Variants in RBPJ observed in about 807,000 individuals in gnomAD.
The protein encoded by RBPJ is recombining binding protein suppressor of hairless.
RBPJ carries 9 observed loss-of-function variants against 67.8 expected under a neutral mutation model. The ratio of observed to expected loss-of-function variants is 0.13; its 90% CI spans 0.08 to 0.23. The LOEUF (loss-of-function observed/expected upper bound fraction) is 0.23. Among genes scored for constraint, RBPJ ranks in the 10% least tolerant of loss-of-function variants. The pLI, the probability that RBPJ is intolerant of heterozygous loss-of-function variation, is 1.00. For synonymous variants in RBPJ, 198 were observed against 203.3 expected (o/e 0.97, Z 0.22); for missense variants, 305 against 595.6 (o/e 0.51, Z 5.08).
chr4:26,402,020 C>T (rs537436937), intron 2 of RBPJ, among the ~76,000 whole-genome samples: 6 of 151,850 alleles, frequency 4.0e-5, no homozygotes, highest in Admixed American at 3.9e-4. Context: ...TCCCGAGTAG[C>T]TGGGATTTCA....
upstream of RBPJ, among the ~76,000 whole-genome samples, chr4:26,316,348 TATTCATATATAC>T (rs368350038): frequency 3.4e-4 from 50 of 146,884 alleles, no homozygotes; most frequent in East Asian, 1.2e-3. Flanking sequence ...CATATATACA[TATTCATATATAC>T]ATTCATATAT....
intron 2 of RBPJ, among the ~76,000 whole-genome samples, chr4:26,401,702 C>A (rs1476344249): frequency 6.6e-6 from 1 of 152,124 alleles, no homozygotes; most frequent in Non-Finnish European, 1.5e-5. Context: ...AATGCAGTTA[C>A]TGCTAAATGA....
At chr4:26,325,805 T>C (rs1723569631) in intron 1 of RBPJ, among the ~76,000 whole-genome samples, 1 of 152,208 alleles carries the variant, frequency 6.6e-6, no homozygotes, top group Non-Finnish European at 1.5e-5. Context: ...TGCGTTCTTG[T>C]GTATGAAAAG....
intron 1 of RBPJ, among the ~76,000 whole-genome samples, chr4:26,188,094 A>G (rs1330651274): frequency 6.6e-6 from 1 of 152,152 alleles, no homozygotes; most frequent in African/African-American, 2.4e-5. Context: ...CTGTAATCCC[A>G]GCTACTTGGG....
chr4:26,306,545 G>A (rs1435861746), intron 1 of RBPJ, among the ~76,000 whole-genome samples: 2 of 151,874 alleles, frequency 1.3e-5, no homozygotes, highest in Admixed American at 6.6e-5. Flanking sequence ...CACCTCCCAG[G>A]TTCATGCCAT....
chr4:26,122,560 C>T, the RBPJ span, among the ~76,000 whole-genome samples: 40 of 152,196 alleles, frequency 2.6e-4, 1 homozygote, highest in African/African-American at 5.5e-4. Context: ...TTAGGAGGAA[C>T]GCTTAAACAT....
At chr4:26,223,911 G>A (rs767785008) in intron 1 of RBPJ, among the ~76,000 whole-genome samples, 9 of 152,070 alleles carry the variant, frequency 5.9e-5, no homozygotes, top group Non-Finnish European at 1.0e-4. Context: ...CTATAATTAC[G>A]GAACTCTATG....
chr4:26,392,539 T>A (rs1464991922), intron 2 of RBPJ, among the ~76,000 whole-genome samples: 1 of 152,182 alleles, frequency 6.6e-6, no homozygotes, highest in Non-Finnish European at 1.5e-5. Context: ...ATAATTATAT[T>A]CAATTTTCTA....
intron 1 of RBPJ, among the ~76,000 whole-genome samples, chr4:26,205,331 A>T (rs1718132581): frequency 1.3e-5 from 2 of 152,176 alleles, no homozygotes; most frequent in Admixed American, 6.6e-5. Context: ...GAAGAACCCA[A>T]CACAGACCAT....
upstream of RBPJ, among the ~76,000 whole-genome samples, chr4:26,315,589 C>T (rs554188548): frequency 1.1e-4 from 16 of 152,176 alleles, no homozygotes; most frequent in South Asian, 8.3e-4. Context: ...CAGCTGTGCA[C>T]GTATTCTCTT....
chr4:26,130,011 A>G, the RBPJ span, among the ~76,000 whole-genome samples: 1 of 151,920 alleles, frequency 6.6e-6, no homozygotes, highest in African/African-American at 2.4e-5. Context: ...ACAGGCGTGC[A>G]CCACCACGCC....
In RBPJ at chr4:26,249,486, C is replaced by T. The variant is rs374903088; in HGVS notation, c.-167+85872C>T. 9.9e-5 allele frequency among the ~76,000 whole-genome samples: 15 copies of T among 152,102 alleles called. No individual in the cohort carries two copies. In the East Asian group the frequency reaches 2.9e-3, roughly 30 times the overall value. On this transcript the variant is annotated intron_variant, in intron 1 of 4. Transcript: ENST00000512351. ...ACCAGCCTGGCCAACATGGTGAAAC[C>T]CTGTCTCTACTAAAAATGCAAAAAA...
intron 8 of RBPJ, 121 bp from the exon 9 acceptor site, chr4:26,429,777 T>G (rs565790648): frequency 2.3e-4 from 183 of 794,126 alleles, no homozygotes; most frequent in Middle Eastern, 3.8e-4. Flanking sequence ...TTAGAAAGTT[T>G]ATAAGTTTTT....
At chr4:26,362,800 T>TA in intron 1 of RBPJ, among the ~76,000 whole-genome samples, 1 of 152,358 alleles carries the variant, frequency 6.6e-6, no homozygotes, top group East Asian at 1.9e-4. Context: ...TATTTTTTGT[T>TA]ACAAAAACCC....
chr4:26,157,841 G>A, the RBPJ span, among the ~76,000 whole-genome samples: 1 of 152,198 alleles, frequency 6.6e-6, no homozygotes, highest in Non-Finnish European at 1.5e-5. Flanking sequence ...ACAATGAGAA[G>A]TCACATGGTA....
intron 1 of RBPJ, chr4:26,321,564 C>T (rs908482840): frequency 6.6e-6 from 1 of 152,572 alleles, no homozygotes; most frequent in East Asian, 1.9e-4. Flanking sequence ...CGCTGTCCTT[C>T]CTCCCGTGCC....
chr4:26,133,482 G>A, the RBPJ span, among the ~76,000 whole-genome samples: 7 of 152,144 alleles, frequency 4.6e-5, no homozygotes, highest in Admixed American at 1.3e-4. Flanking sequence ...TTCACAGGGG[G>A]CCCCTAACCC....
intron 1 of RBPJ, among the ~76,000 whole-genome samples, chr4:26,325,486 C>A (rs951922632): frequency 6.6e-6 from 1 of 152,194 alleles, no homozygotes; most frequent in African/African-American, 2.4e-5. Context: ...GTCTCTGGCA[C>A]TTAAAACCCC....
At chr4:26,236,617 C>A (rs1285537434) in intron 1 of RBPJ, among the ~76,000 whole-genome samples, 1 of 152,120 alleles carries the variant, frequency 6.6e-6, no homozygotes, top group Non-Finnish European at 1.5e-5. Flanking sequence ...CCAGAGCAAG[C>A]AATTCAAGAG....
Sources: allele counts gnomAD v4.1 joint callset (sites outside exome capture counted in the v4.1 genomes callset), GRCh38; gene constraint gnomAD v4.1.1; transcripts MANE v1.5; gene names NCBI Gene and HGNC (gene_info 2026-07-23, HGNC 2026-07-21).